Variants in ARHGAP42 observed in about 807,000 individuals in gnomAD.
ARHGAP42 encodes the protein Rho GTPase activating protein 42.
Under a neutral mutation model 125.0 loss-of-function variants are expected in ARHGAP42, and 63 were observed. That is an observed-to-expected ratio of 0.50 (90% CI 0.41 to 0.62). The LOEUF (loss-of-function observed/expected upper bound fraction) is 0.62. Ranked by LOEUF, ARHGAP42 falls within the 20% of genes least tolerant of loss-of-function variation. ARHGAP42 has a pLI of 0.00. For missense variants in ARHGAP42, 766 were observed against 1,024.2 expected (o/e 0.75, Z 3.44); for synonymous variants, 339 against 351.0 (o/e 0.97, Z 0.38).
chr11:100,899,713 TTG>T (rs1866478162), intron 4 of ARHGAP42, among the ~76,000 whole-genome samples: 1 of 83,258 alleles, frequency 1.2e-5, no homozygotes, highest in African/African-American at 7.6e-5. Flanking sequence ...TTGTTTTGTT[TTG>T]TGTTTTGTTT....
rs148202667 is a variant in ARHGAP42 at position 100,940,429 on chromosome 11, T to C, written c.833-1355T>C. On this transcript the variant is annotated intron_variant, in intron 8 of 23. Coordinates refer to ENST00000298815, the MANE Select transcript of ARHGAP42 (RefSeq NM_152432.4). Reference sequence around the variant, plus strand: ...TTTCGATCCACTCAGTCCACTATGGTGTTTGGGTGCAGGATACTTGGCTTC... The same window carrying C: ...TTTCGATCCACTCAGTCCACTATGGCGTTTGGGTGCAGGATACTTGGCTTC... Among the ~76,000 whole-genome samples, 236 of 152,154 alleles carry C rather than the reference T, an allele frequency of 1.6e-3. 2 individuals carry two copies. The highest frequency in any genetic ancestry group is 5.4e-3 in the African/African-American group (224 of 41,518).
At chr11:100,903,115 G>GCACACACACACACACACA (rs1480178280) in intron 4 of ARHGAP42, among the ~76,000 whole-genome samples, 2 of 13,704 alleles carry the variant, frequency 1.5e-4, no homozygotes, top group African/African-American at 2.4e-4. Context: ...TGTCCAAGAT[G>GCACACACACACACACACA]CGCACACACA....
chr11:100,745,853 A>G (rs1862291818), intron 1 of ARHGAP42, among the ~76,000 whole-genome samples: 1 of 152,200 alleles, frequency 6.6e-6, no homozygotes, highest in East Asian at 1.9e-4. Flanking sequence ...TATCCAATTT[A>G]CATTTTATTA....
chr11:100,942,733 G>A (rs1035699421), intron 9 of ARHGAP42, among the ~76,000 whole-genome samples: 5 of 152,174 alleles, frequency 3.3e-5, no homozygotes, highest in Admixed American at 1.3e-4. Context: ...GAAACTTATT[G>A]TACTTGGGCA....
chr11:100,796,169 TTCTC>T (rs1863707570), intron 3 of ARHGAP42, among the ~76,000 whole-genome samples: 2 of 152,216 alleles, frequency 1.3e-5, no homozygotes, highest in Non-Finnish European at 2.9e-5. Flanking sequence ...GTTTTGGTAA[TTCTC>T]TCAATGTTTC....
intron 1 of ARHGAP42, among the ~76,000 whole-genome samples, chr11:100,764,678 T>C (rs1862789211): frequency 6.6e-6 from 1 of 152,142 alleles, no homozygotes; most frequent in Non-Finnish European, 1.5e-5. Context: ...CTTGTAAGAA[T>C]GTGAAAGGAA....
At chr11:100,692,858 C>T (rs1243194895) in intron 1 of ARHGAP42, among the ~76,000 whole-genome samples, 1 of 152,178 alleles carries the variant, frequency 6.6e-6, no homozygotes, top group Non-Finnish European at 1.5e-5. Context: ...CAGGTGGAAA[C>T]ACCTTAGACA....
At chr11:100,913,195 G>A (rs1258784323) in intron 4 of ARHGAP42, among the ~76,000 whole-genome samples, 4 of 152,116 alleles carry the variant, frequency 2.6e-5, no homozygotes, top group Non-Finnish European at 5.9e-5. Context: ...TTACTCCAAA[G>A]GAGATGTGAC....
At chr11:100,825,793 A>G (rs1379236063) in intron 3 of ARHGAP42, among the ~76,000 whole-genome samples, 1 of 152,176 alleles carries the variant, frequency 6.6e-6, no homozygotes, top group Admixed American at 6.6e-5. Flanking sequence ...ATGTACCCAC[A>G]TTCAGTGTGC....
intron 1 of ARHGAP42, among the ~76,000 whole-genome samples, chr11:100,741,283 G>A (rs527448812): frequency 5.9e-5 from 9 of 152,174 alleles, no homozygotes; most frequent in Non-Finnish European, 1.3e-4. Flanking sequence ...CACCCACCTC[G>A]GCTTCCCAAA....
intron 10 of ARHGAP42, among the ~76,000 whole-genome samples, chr11:100,946,002 G>GT (rs1216409143): frequency 6.6e-6 from 1 of 152,064 alleles, no homozygotes; most frequent in Non-Finnish European, 1.5e-5. Flanking sequence ...AAAATCTGTT[G>GT]TTTACTGTAG....
At chr11:100,859,404 G>C (rs998141746) in intron 3 of ARHGAP42, 150 bp from the exon 4 acceptor site, 9 of 542,450 alleles carry the variant, frequency 1.7e-5, no homozygotes, top group Non-Finnish European at 2.9e-5. Flanking sequence ...TTATATAGTA[G>C]AAGAACTGTA....
chr11:100,859,858 A>G, intron 4 of ARHGAP42: 1 of 318,522 alleles, frequency 3.1e-6, no homozygotes. Context: ...CCTTTCCCAA[A>G]AATTATAGGA....
chr11:100,883,560 C>T (rs1017974004), intron 4 of ARHGAP42, among the ~76,000 whole-genome samples: 3 of 152,226 alleles, frequency 2.0e-5, no homozygotes, highest in East Asian at 1.9e-4. Context: ...CCAGGCTGAT[C>T]GTGATCTCTT....
At chr11:100,809,071 A>G (rs1864076271) in intron 3 of ARHGAP42, among the ~76,000 whole-genome samples, 2 of 152,184 alleles carry the variant, frequency 1.3e-5, no homozygotes, top group Admixed American at 6.5e-5. Flanking sequence ...AGAAACAGCC[A>G]GAATCACAAA....
At chr11:100,738,456 A>G (rs1333615665) in intron 1 of ARHGAP42, 1 of 152,152 alleles carries the variant, frequency 6.6e-6, no homozygotes, top group African/African-American at 2.4e-5. Context: ...TTAGATTTAA[A>G]AGAGTATCAT....
intron 4 of ARHGAP42, among the ~76,000 whole-genome samples, chr11:100,864,373 A>G (rs1301150428): frequency 1.3e-5 from 2 of 151,892 alleles, no homozygotes; most frequent in African/African-American, 4.8e-5. Flanking sequence ...TTCGTAGAGA[A>G]AAGATTTCAC....
intron 1 of ARHGAP42, among the ~76,000 whole-genome samples, chr11:100,753,894 C>T (rs868503801): frequency 6.6e-6 from 1 of 152,192 alleles, no homozygotes; most frequent in African/African-American, 2.4e-5. Flanking sequence ...AGGCTGCAGC[C>T]TGCAGCTTCT....
At chr11:100,873,333 A>G (rs1183406339) in intron 4 of ARHGAP42, among the ~76,000 whole-genome samples, 4 of 152,186 alleles carry the variant, frequency 2.6e-5, no homozygotes, top group African/African-American at 2.4e-5. Context: ...ATGTGCTAAC[A>G]TACTTCTGTT....
Sources: gnomAD v4.1 joint callset for allele counts (sites outside exome capture counted in the v4.1 genomes callset) on GRCh38, gnomAD v4.1.1 for gene constraint, MANE v1.5 for transcripts, NCBI Gene and HGNC (gene_info 2026-07-23, HGNC 2026-07-21) for gene names.